The following PPM1H variants were observed in gnomAD, a reference collection of about 807,000 sequenced individuals.
The protein encoded by PPM1H is protein phosphatase, Mg2+/Mn2+ dependent 1H, also known as protein phosphatase 1H.
Under a neutral mutation model 54.9 loss-of-function variants are expected in PPM1H, and 27 were observed. The ratio of observed to expected loss-of-function variants is 0.49; its 90% confidence interval spans 0.36 to 0.68. The LOEUF (loss-of-function observed/expected upper bound fraction) is 0.68, where lower values mean the gene tolerates loss of function less well. PPM1H is among the 30% of genes least tolerant of loss of function. The pLI, the probability that PPM1H is intolerant of heterozygous loss-of-function variation, is 0.00. For synonymous variants in PPM1H, 305 were observed against 270.8 expected (o/e 1.13, Z -1.24); for missense variants, 596 against 667.8 (o/e 0.89, Z 1.19).
At chr12:62,832,877 T>C (rs575232404) in intron 1 of PPM1H, among the ~76,000 whole-genome samples, 1 of 152,308 alleles carries the variant, frequency 6.6e-6, no homozygotes, top group East Asian at 1.9e-4. Context: ...TGTAGAATAA[T>C]ACTCATCACA....
chr12:62,871,372 T>G (rs750892908), intron 1 of PPM1H, among the ~76,000 whole-genome samples: 10 of 152,114 alleles, frequency 6.6e-5, no homozygotes, highest in Non-Finnish European at 1.2e-4. Context: ...TAGTGGTTAG[T>G]GCATAGGGGA....
chr12:62,848,955 T>C (rs1376447453), intron 1 of PPM1H, among the ~76,000 whole-genome samples: 1 of 151,712 alleles, frequency 6.6e-6, no homozygotes, highest in African/African-American at 2.4e-5. Flanking sequence ...CCCAAAAAAG[T>C]TGGGAACAAA....
chr12:62,815,712 AG>A (rs143283683), intron 2 of PPM1H, among the ~76,000 whole-genome samples: 5,613 of 152,262 alleles, frequency 0.037, 294 homozygotes, highest in African/African-American at 0.12. Flanking sequence ...CCTATGAAAT[AG>A]TACCTGTTAT....
chr12:62,667,381 T>C lies in PPM1H; in HGVS notation c.1246-52A>G, dbSNP rs2075925407. ...TTAAGAAATTGGAAGCATATTATTC[T>C]CCCTAACAAACTGACTTCTGATTCC... is the stretch of plus-strand genomic sequence containing the variant. On this transcript the variant is annotated intron_variant, in intron 8 of 9. Transcript: ENST00000228705. 1.7e-5 allele frequency: 24 copies of C among 1,424,634 alleles called. No individual in the cohort carries two copies. In the South Asian group the frequency reaches 3.1e-4, roughly 18 times the overall value. The allele number at this position is 1,424,634 out of a possible 1,614,324, so 88.2% of individuals were successfully genotyped here. A position where few individuals can be genotyped will look rare whatever the true frequency, so the allele number is the denominator to read the frequency against.
intron 3 of PPM1H, among the ~76,000 whole-genome samples, chr12:62,795,467 CAG>C (rs1232166017): frequency 6.6e-6 from 1 of 151,714 alleles, no homozygotes; most frequent in Non-Finnish European, 1.5e-5. Context: ...ATTTTTGAGA[CAG>C]AGAGTCTTGC....
At chr12:62,676,815 G>A (rs1456462548) in intron 8 of PPM1H, among the ~76,000 whole-genome samples, 1 of 152,176 alleles carries the variant, frequency 6.6e-6, no homozygotes, top group Non-Finnish European at 1.5e-5. Context: ...TGGATGACAT[G>A]TCGATGGCAG....
At chr12:62,746,408 G>A (rs59975897) in intron 4 of PPM1H, among the ~76,000 whole-genome samples, 49 of 152,238 alleles carry the variant, frequency 3.2e-4, no homozygotes, top group African/African-American at 1.2e-3. Flanking sequence ...CACTGATAAA[G>A]CAAAACCAAA....
At chr12:62,665,272 C>T (rs908400274) in intron 9 of PPM1H, among the ~76,000 whole-genome samples, 22 of 152,306 alleles carry the variant, frequency 1.4e-4, no homozygotes, top group African/African-American at 5.3e-4. Context: ...TGGTCTTGAA[C>T]TCCTGACCTC....
At chr12:62,764,427 T>G (rs959913011) in intron 4 of PPM1H, among the ~76,000 whole-genome samples, 1 of 152,178 alleles carries the variant, frequency 6.6e-6, no homozygotes, top group African/African-American at 2.4e-5. Flanking sequence ...CTATTCTGAA[T>G]AAAAACATTC....
At chr12:62,787,837 CAA>C (rs928598233) in intron 4 of PPM1H, among the ~76,000 whole-genome samples, 3 of 152,170 alleles carry the variant, frequency 2.0e-5, no homozygotes, top group African/African-American at 7.2e-5. Flanking sequence ...GAGAACAGTG[CAA>C]AGTCACTAAG....
chr12:62,821,620 A>G (rs903338661), intron 2 of PPM1H, among the ~76,000 whole-genome samples: 2 of 152,188 alleles, frequency 1.3e-5, no homozygotes, highest in East Asian at 3.8e-4. Flanking sequence ...GCCAATATTC[A>G]ACATTCTTAA....
chr12:62,925,511 G>A (rs1871946784), intron 1 of PPM1H, among the ~76,000 whole-genome samples: 1 of 152,224 alleles, frequency 6.6e-6, no homozygotes, highest in Admixed American at 6.5e-5. Flanking sequence ...TGGGGAGGCA[G>A]GTGTTGTAGT....
At chr12:62,699,931 C>T (rs968234261) in intron 6 of PPM1H, among the ~76,000 whole-genome samples, 5 of 152,150 alleles carry the variant, frequency 3.3e-5, no homozygotes, top group Admixed American at 6.5e-5. Context: ...CTCCAGTGGA[C>T]GACATTCCTT....
At chr12:62,772,753 G>A (rs1435223059) in intron 4 of PPM1H, among the ~76,000 whole-genome samples, 1 of 152,188 alleles carries the variant, frequency 6.6e-6, no homozygotes, top group Non-Finnish European at 1.5e-5. Flanking sequence ...GCAGGGCTGG[G>A]GAGGATTAGA....
chr12:62,902,991 T>C (rs971644289), intron 1 of PPM1H, among the ~76,000 whole-genome samples: 1 of 152,160 alleles, frequency 6.6e-6, no homozygotes, highest in South Asian at 2.1e-4. Flanking sequence ...GATCACTGCT[T>C]TTTTACAAGG....
intron 4 of PPM1H, among the ~76,000 whole-genome samples, chr12:62,739,197 C>T (rs2076367923): frequency 6.6e-6 from 1 of 152,076 alleles, no homozygotes; most frequent in Admixed American, 6.5e-5. Flanking sequence ...TGAAATATGA[C>T]AAGTTAAAGA....
intron 9 of PPM1H, among the ~76,000 whole-genome samples, chr12:62,649,286 C>T (rs147203983): frequency 6.6e-6 from 1 of 151,144 alleles, no homozygotes; most frequent in African/African-American, 2.4e-5. Flanking sequence ...GTCAGCGTCA[C>T]CCTCTCCTCT....
intron 1 of PPM1H, among the ~76,000 whole-genome samples, chr12:62,863,250 A>G (rs1869665132): frequency 6.6e-6 from 1 of 152,010 alleles, no homozygotes; most frequent in Non-Finnish European, 1.5e-5. Flanking sequence ...ACTGGTCTCA[A>G]ACTCCTGGGC....
intron 2 of PPM1H, among the ~76,000 whole-genome samples, chr12:62,820,822 G>A (rs1053658437): frequency 1.3e-5 from 2 of 152,172 alleles, no homozygotes; most frequent in African/African-American, 4.8e-5. Context: ...AGGAACCAGA[G>A]CAGAAAAGCT....
Sources: gnomAD v4.1 joint callset for allele counts (sites outside exome capture counted in the v4.1 genomes callset) on GRCh38, gnomAD v4.1.1 for gene constraint, MANE v1.5 for transcripts, NCBI Gene and HGNC (gene_info 2026-07-23, HGNC 2026-07-21) for gene names.